Variants in IFT70B observed in about 807,000 individuals in gnomAD.
IFT70B encodes intraflagellar transport 70B.
chr2:177,552,644 C>G, the IFT70B span: 1 of 1,590,080 alleles, frequency 6.3e-7, no homozygotes, highest in Middle Eastern at 1.7e-4. Context: ...TCCTAGGGCT[C>G]CGCTGCAGTT....
At chr2:177,550,712 GC>G in the IFT70B span, 5 of 1,429,262 alleles carry the variant, frequency 3.5e-6, no homozygotes, top group Non-Finnish European at 4.7e-6. Context: ...GGTAAATAAA[GC>G]GATGCAAATT....
At chr2:177,550,115 T>G in the IFT70B span, 1 of 152,220 alleles carries the variant, frequency 6.6e-6, no homozygotes, top group Admixed American at 6.5e-5. Flanking sequence ...GTTCATATAT[T>G]TAAATTATTA....
At chr2:177,551,753 G>A in the IFT70B span, 1 of 1,614,086 alleles carries the variant, frequency 6.2e-7, no homozygotes, top group East Asian at 2.2e-5. Context: ...CTGCTGCCAG[G>A]TCAAAATACT....
the IFT70B span, chr2:177,552,789 G>A: frequency 4.5e-5 from 68 of 1,498,052 alleles, no homozygotes; most frequent in African/African-American, 1.4e-5. Flanking sequence ...TATGGGTGCG[G>A]TTACTATGGC....
the IFT70B span, chr2:177,552,156 T>C: frequency 2.0e-4 from 318 of 1,614,272 alleles, 3 homozygotes; most frequent in South Asian, 8.7e-4. Context: ...TGAAGCATAC[T>C]GTCGGCTGCT....
the IFT70B span, chr2:177,549,534 A>G: frequency 1.3e-5 from 2 of 152,238 alleles, no homozygotes; most frequent in African/African-American, 4.8e-5. Context: ...AAAAACTGTC[A>G]AAATCAACAA....
chr2:177,552,723 AAC>A, the IFT70B span: 1 of 1,590,708 alleles, frequency 6.3e-7, no homozygotes, highest in Non-Finnish European at 8.6e-7. Flanking sequence ...GACCGCGGTG[AAC>A]TCCCCGTCGG....
the IFT70B span, chr2:177,552,072 G>C: frequency 6.2e-7 from 1 of 1,614,226 alleles, no homozygotes; most frequent in Non-Finnish European, 8.5e-7. Flanking sequence ...AATGCCCTCA[G>C]TGGTCATGCC....
the IFT70B span, chr2:177,551,193 A>G: frequency 8.7e-6 from 14 of 1,613,646 alleles, no homozygotes; most frequent in African/African-American, 8.0e-5. Context: ...CTCCTTTTCA[A>G]TCTTCCTCAT....
At chr2:177,552,191 G>C in the IFT70B span, 1 of 1,614,102 alleles carries the variant, frequency 6.2e-7, no homozygotes, top group African/African-American at 1.3e-5. Context: ...CCAGGTTGTA[G>C]GAAAGGTCAG....
chr2:177,550,957 T>C, the IFT70B span: 7 of 1,614,188 alleles, frequency 4.3e-6, no homozygotes, highest in Non-Finnish European at 5.9e-6. Context: ...TCACGAAGCA[T>C]GATTGTGTGT....
the IFT70B span, chr2:177,551,149 T>C: frequency 6.2e-7 from 1 of 1,614,136 alleles, no homozygotes; most frequent in Middle Eastern, 1.6e-4. Context: ...TGGTACATTT[T>C]CTTATCTGGG....
At chr2:177,551,104 A>G in the IFT70B span, 2 of 1,614,190 alleles carry the variant, frequency 1.2e-6, no homozygotes, top group Non-Finnish European at 8.5e-7. Flanking sequence ...TTGGCACAAT[A>G]AAGAGTTCCT....
chr2:177,550,628 G>C, the IFT70B span: 2 of 731,044 alleles, frequency 2.7e-6, no homozygotes, highest in East Asian at 6.3e-5. Flanking sequence ...AACAGCAAAA[G>C]TTTTAGCTAC....
the IFT70B span, chr2:177,549,249 A>C: frequency 6.6e-6 from 1 of 152,248 alleles, no homozygotes. Context: ...ATCAGTGGTA[A>C]ATGATAGCAG....
At chr2:177,552,333 C>A in the IFT70B span, 6,210 of 1,614,220 alleles carry the variant, frequency 3.8e-3, 28 homozygotes, top group Non-Finnish European at 3.9e-3. Context: ...TTCCTCTCCC[C>A]CTTCCCTACT....
the IFT70B span, chr2:177,552,334 C>T: frequency 1.6e-3 from 2,542 of 1,614,238 alleles, 31 homozygotes; most frequent in East Asian, 8.8e-3. Context: ...TCCTCTCCCC[C>T]TTCCCTACTC....
the IFT70B span, chr2:177,551,871 A>G: frequency 2.5e-6 from 4 of 1,614,240 alleles, no homozygotes; most frequent in Admixed American, 6.7e-5. Context: ...CCTGGCATCC[A>G]TGTTCATTAG....
chr2:177,552,121 T>A, the IFT70B span: 3 of 1,614,110 alleles, frequency 1.9e-6, no homozygotes, highest in Admixed American at 5.0e-5. Context: ...CCACGCTCAA[T>A]AATCTCAGCG....
Sources: allele counts gnomAD v4.1 joint callset, GRCh38; gene constraint gnomAD v4.1.1; transcripts MANE v1.5; gene names NCBI Gene and HGNC (gene_info 2026-07-23, HGNC 2026-07-21).